The following WDPCP variants were observed in gnomAD, a reference collection of about 807,000 sequenced individuals.
WDPCP encodes WD repeat-containing and planar cell polarity effector protein fritz homolog.
In WDPCP, 71 loss-of-function variants were observed where a neutral mutation model predicts 93.1. The ratio of observed to expected loss-of-function variants is 0.76; its 90% CI spans 0.63 to 0.93. The LOEUF is 0.93. Among genes scored for constraint, WDPCP ranks in the 40% least tolerant of loss-of-function variants. The pLI is 0.00. For synonymous variants in WDPCP, 315 were observed against 315.0 expected, an observed-to-expected ratio of 1.00 and a Z score of 0.00; for missense variants, 844 against 887.4, an observed-to-expected ratio of 0.95 and a Z score of 0.62.
chr2:63,348,472 A>T (rs981111750), intron 12 of WDPCP, among the ~76,000 whole-genome samples: 1 of 152,180 alleles, frequency 6.6e-6, no homozygotes, highest in African/African-American at 2.4e-5. Context: ...ACATGTACCA[A>T]TTAATCTTAT....
At chr2:63,298,323 C>T (rs1214319092) in intron 13 of WDPCP, among the ~76,000 whole-genome samples, 1 of 151,740 alleles carries the variant, frequency 6.6e-6, no homozygotes, top group East Asian at 1.9e-4. Flanking sequence ...TTAATATTGT[C>T]AACTTGATTG....
intron 1 of WDPCP, among the ~76,000 whole-genome samples, chr2:63,562,914 CT>C (rs760646135): frequency 2.2e-4 from 34 of 152,146 alleles, no homozygotes; most frequent in Non-Finnish European, 4.1e-4. Context: ...CTAAGAGGCC[CT>C]GAACCCTTTT....
chr2:63,624,002 A>G (rs888459105), intron 3 of WDPCP, among the ~76,000 whole-genome samples: 1 of 152,238 alleles, frequency 6.6e-6, no homozygotes, highest in Non-Finnish European at 1.5e-5. Context: ...CCATAGTGCA[A>G]TCAAATTAGA....
At chr2:63,319,327 G>T (rs1036319014) in intron 12 of WDPCP, among the ~76,000 whole-genome samples, 2 of 152,088 alleles carry the variant, frequency 1.3e-5, no homozygotes, top group African/African-American at 2.4e-5. Context: ...TCAATCTTCT[G>T]TATATACAAA....
intron 9 of WDPCP, among the ~76,000 whole-genome samples, chr2:63,424,505 C>T (rs1297701901): frequency 2.6e-5 from 4 of 152,172 alleles, no homozygotes; most frequent in Non-Finnish European, 5.9e-5. Flanking sequence ...ACAGCCTCCA[C>T]TGCCCAGCCT....
rs1465267274 is a variant in WDPCP at position 63,338,561 on chromosome 2, AAAAAAAAAATATAT to A, written c.1749-25264_1749-25251del. Among the ~76,000 whole-genome samples the A allele has an allele frequency of 6.4e-4, 48 of 74,702 alleles. 1 individual carries two copies. The highest frequency in any genetic ancestry group is 9.4e-4 in the African/African-American group (17 of 18,114). The allele number at this position is 74,702 out of a possible 152,430, so 49.0% of individuals were successfully genotyped here. A position where few individuals can be genotyped will look rare whatever the true frequency, so the allele number is the denominator to read the frequency against. Reference sequence around the variant, plus strand: ...GAGCAAAACTCCATCTAAAAAAAAAAAAAAAAAAATATATATATATATATATATATATATATATA... The same window carrying A: ...GAGCAAAACTCCATCTAAAAAAAAAAATATATATATATATATATATATATA... On this transcript the variant is annotated intron_variant, in intron 12 of 17. Transcript: ENST00000272321.
intron 2 of WDPCP, among the ~76,000 whole-genome samples, chr2:63,491,219 C>G (rs1446568): frequency 0.19 from 29,521 of 152,018 alleles, 3,060 homozygotes; most frequent in Middle Eastern, 0.28. Flanking sequence ...TTTTTTCCCC[C>G]CTTCCTACAT....
At chr2:63,282,519 A>C (rs1683647887) in intron 13 of WDPCP, among the ~76,000 whole-genome samples, 1 of 152,076 alleles carries the variant, frequency 6.6e-6, no homozygotes, top group Non-Finnish European at 1.5e-5. Context: ...ATAAATAAAC[A>C]AACAAACAGA....
chr2:63,504,047 C>T (rs1478209365), intron 1 of WDPCP, among the ~76,000 whole-genome samples: 1 of 152,026 alleles, frequency 6.6e-6, no homozygotes, highest in Non-Finnish European at 1.5e-5. Context: ...ACCCACTCCT[C>T]TGAAAAACAA....
At position 63,433,832 on chromosome 2, in the gene WDPCP, G is replaced by A. The variant is rs543308588; in HGVS notation, c.738C>T (p.Asn246=). The A allele has an allele frequency of 4.5e-5, 72 of 1,613,950 alleles. No individual in the cohort carries two copies. The highest frequency in any genetic ancestry group is 1.8e-4 in the South Asian group (16 of 91,052). The change falls in exon 9 of 18, where the codon AAC becomes AAT. Residue 246 remains asparagine (N), a synonymous_variant. Transcript: ENST00000272321. ...TGGGGGCCCAAGGCCAAGCATCATC[G>A]TTGACCAGTGGCCACCAGCAAACAA... The part of the protein sequence containing the change: ...DRVVCWWPLV[N]DDAWPWAPIS...
At chr2:63,324,725 C>A (rs1687397199) in intron 12 of WDPCP, among the ~76,000 whole-genome samples, 1 of 152,182 alleles carries the variant, frequency 6.6e-6, no homozygotes, top group South Asian at 2.1e-4. Flanking sequence ...AGGGAAAATT[C>A]CCTACTGGTC....
At chr2:63,140,379 T>C (rs962673796) in intron 17 of WDPCP, among the ~76,000 whole-genome samples, 1 of 152,162 alleles carries the variant, frequency 6.6e-6, no homozygotes, top group East Asian at 1.9e-4. Flanking sequence ...GGGGACTACA[T>C]TGAATTTGTA....
chr2:63,243,104 G>T (rs1251293382), intron 14 of WDPCP, among the ~76,000 whole-genome samples: 1 of 152,066 alleles, frequency 6.6e-6, no homozygotes, highest in African/African-American at 2.4e-5. Context: ...TAACTGTATT[G>T]TACTGTAGAC....
At chr2:63,323,899 G>A (rs1290598747) in intron 12 of WDPCP, among the ~76,000 whole-genome samples, 12 of 152,080 alleles carry the variant, frequency 7.9e-5, no homozygotes, top group African/African-American at 2.4e-4. Flanking sequence ...TCCAGGGACC[G>A]TTGCAGGTTT....
At chr2:63,297,526 TGGA>T (rs1258256313) in intron 13 of WDPCP, among the ~76,000 whole-genome samples, 5 of 152,212 alleles carry the variant, frequency 3.3e-5, no homozygotes, top group African/African-American at 4.8e-5. Flanking sequence ...GTCAGGTATG[TGGA>T]GGAGCATTTC....
intron 1 of WDPCP, among the ~76,000 whole-genome samples, chr2:63,496,568 G>T (rs1299797354): frequency 6.6e-6 from 1 of 152,160 alleles, no homozygotes; most frequent in Non-Finnish European, 1.5e-5. Context: ...GAAATCCTGA[G>T]CATAGTACAG....
intron 2 of WDPCP, among the ~76,000 whole-genome samples, chr2:63,657,861 T>C (rs906675805): frequency 6.6e-6 from 1 of 152,150 alleles, no homozygotes; most frequent in Non-Finnish European, 1.5e-5. Context: ...GGCCTCTGCT[T>C]GGCAGGGACC....
chr2:63,340,069 G>A (rs987542994), intron 12 of WDPCP, among the ~76,000 whole-genome samples: 6 of 152,012 alleles, frequency 3.9e-5, no homozygotes, highest in South Asian at 2.1e-4. Context: ...TGTTTCTTAC[G>A]GGTATACATC....
chr2:63,473,752 TA>T (rs1462805007), intron 6 of WDPCP, among the ~76,000 whole-genome samples: 7 of 152,202 alleles, frequency 4.6e-5, no homozygotes, highest in African/African-American at 1.7e-4. Flanking sequence ...AGTGAAGTTA[TA>T]AGAGGAAATG....
Sources: gnomAD v4.1 joint callset for allele counts (sites outside exome capture counted in the v4.1 genomes callset) on GRCh38, gnomAD v4.1.1 for gene constraint, MANE v1.5 for transcripts, NCBI Gene and HGNC (gene_info 2026-07-23, HGNC 2026-07-21) for gene names.